The following SUGCT variants were observed in gnomAD, a reference collection of about 807,000 sequenced individuals.
SUGCT encodes the protein succinyl-CoA:glutarate CoA-transferase.
SUGCT carries 41 observed loss-of-function variants against 55.0 expected under a neutral mutation model. The observed-to-expected ratio is 0.74, with a 90% confidence interval of 0.58 to 0.97. SUGCT has a LOEUF of 0.97. SUGCT is among the 50% of genes least tolerant of loss of function. SUGCT has a pLI of 0.00. For synonymous variants in SUGCT, 187 were observed against 200.4 expected (o/e 0.93, Z 0.56); for missense variants, 568 against 547.8 (o/e 1.04, Z -0.37).
chr7:40,861,247 A>G (rs1397459102), downstream of SUGCT, among the ~76,000 whole-genome samples: 5 of 152,232 alleles, frequency 3.3e-5, no homozygotes, highest in Non-Finnish European at 2.9e-5. Context: ...CAGGGTTTTT[A>G]AATGAATTAA....
At chr7:40,594,249 G>A (rs144012787) in intron 12 of SUGCT, among the ~76,000 whole-genome samples, 3,833 of 150,048 alleles carry the variant, frequency 0.026, 127 homozygotes, top group African/African-American at 0.08. Context: ...TGGGTGCAGC[G>A]CACCAGCATG....
At chr7:40,658,383 T>C (rs1422925908) in intron 12 of SUGCT, among the ~76,000 whole-genome samples, 1 of 152,196 alleles carries the variant, frequency 6.6e-6, no homozygotes, top group Non-Finnish European at 1.5e-5. Context: ...AAGTTTCTGG[T>C]TATTTTAATA....
chr7:40,250,834 T>A (rs2329769), intron 7 of SUGCT, among the ~76,000 whole-genome samples: 1 of 114,682 alleles, frequency 8.7e-6, no homozygotes. Flanking sequence ...GCTTCTTTTT[T>A]TTTTTTTTTT....
At chr7:40,950,018 T>C in the SUGCT span, among the ~76,000 whole-genome samples, 2 of 152,242 alleles carry the variant, frequency 1.3e-5, no homozygotes, top group Non-Finnish European at 2.9e-5. Flanking sequence ...TTGATAGGGA[T>C]GTCATTGAAT....
intron 1 of SUGCT, among the ~76,000 whole-genome samples, chr7:40,170,547 T>C (rs986311384): frequency 2.6e-5 from 4 of 152,234 alleles, no homozygotes; most frequent in Non-Finnish European, 5.9e-5. Flanking sequence ...CTAGTCATTT[T>C]CCAATGAGCA....
intron 1 of SUGCT, among the ~76,000 whole-genome samples, chr7:40,143,080 C>G (rs115142244): frequency 0.043 from 6,593 of 152,174 alleles, 482 homozygotes; most frequent in African/African-American, 0.15. Flanking sequence ...AGAGGCTTCC[C>G]TTGCTTTATG....
rs146386809 is a variant in SUGCT at position 40,618,296 on chromosome 7, G to A, written c.1089+121910G>A. ...TATTTATGGCAAGTCCATCTTTCCC[G>A]TTGCTCAGGACACAAATCTTGAAAC... On this transcript the variant is annotated intron_variant, in intron 12 of 13. Transcript: ENST00000335693. Among the ~76,000 whole-genome samples the A allele has an allele frequency of 6.0e-4, 91 of 152,086 alleles. No homozygotes were observed. The East Asian group carries it at 0.017, about 28-fold the overall frequency.
At chr7:40,860,222 T>C (rs1228768774) in intron 13 of SUGCT, 94 bp from the exon 14 acceptor site, 2 of 1,450,758 alleles carry the variant, frequency 1.4e-6, no homozygotes, top group African/African-American at 1.4e-5. Flanking sequence ...ATTGATATTT[T>C]TGGCATTCAT....
the SUGCT span, among the ~76,000 whole-genome samples, chr7:40,989,115 A>T: frequency 1.3e-5 from 2 of 152,326 alleles, no homozygotes; most frequent in East Asian, 3.9e-4. Flanking sequence ...TTGCTAAAAA[A>T]AATACTCAAG....
At chr7:40,673,672 G>T (rs888340444) in intron 12 of SUGCT, among the ~76,000 whole-genome samples, 2 of 152,138 alleles carry the variant, frequency 1.3e-5, no homozygotes, top group African/African-American at 4.8e-5. Flanking sequence ...ACAAATGGAG[G>T]CTGTACAATT....
chr7:40,754,868 T>A (rs1788179421), intron 13 of SUGCT, among the ~76,000 whole-genome samples: 1 of 152,234 alleles, frequency 6.6e-6, no homozygotes, highest in Non-Finnish European at 1.5e-5. Context: ...GGATAAAATG[T>A]TTTCACGTTT....
chr7:40,554,184 C>T lies in SUGCT; in HGVS notation c.1089+57798C>T, dbSNP rs1795444686. Among the ~76,000 whole-genome samples the T allele has an allele frequency of 3.9e-5, 6 of 152,302 alleles. No homozygotes were observed. In the South Asian group the frequency reaches 1.2e-3, roughly 32 times the overall value. On this transcript the variant is annotated intron_variant, in intron 12 of 13. Coordinates refer to ENST00000335693, the MANE Select transcript of SUGCT (RefSeq NM_001193313.2). The stretch of plus-strand genomic sequence containing the variant: ...GGCATAGTGCCCGACACATTATGAG[C>T]ACTCAATAAATACTTGATATTAATG...
chr7:40,624,772 AACACACACACACAC>A (rs71791486), intron 12 of SUGCT, among the ~76,000 whole-genome samples: 32 of 137,396 alleles, frequency 2.3e-4, no homozygotes, highest in Non-Finnish European at 3.3e-4. Flanking sequence ...TTTCTGTGCA[AACACACACACACAC>A]ACACACACAC....
chr7:40,954,152 C>G, the SUGCT span, among the ~76,000 whole-genome samples: 1 of 152,202 alleles, frequency 6.6e-6, no homozygotes, highest in Non-Finnish European at 1.5e-5. Flanking sequence ...TCAGCAATGG[C>G]GGGTGCCCCT....
intron 12 of SUGCT, among the ~76,000 whole-genome samples, chr7:40,633,313 T>A (rs1799876533): frequency 6.6e-6 from 1 of 152,204 alleles, no homozygotes; most frequent in Non-Finnish European, 1.5e-5. Flanking sequence ...GTATTGAGGA[T>A]CAAAAGAACA....
At chr7:40,647,319 G>C (rs1800569238) in intron 12 of SUGCT, among the ~76,000 whole-genome samples, 1 of 152,160 alleles carries the variant, frequency 6.6e-6, no homozygotes, top group Admixed American at 6.5e-5. Flanking sequence ...GTTTGTCATT[G>C]AAGTCATCAT....
chr7:40,935,437 C>G, the SUGCT span, among the ~76,000 whole-genome samples: 1 of 152,144 alleles, frequency 6.6e-6, no homozygotes, highest in Non-Finnish European at 1.5e-5. Context: ...CCCTGGCAAC[C>G]ACTATTCTAA....
chr7:40,912,397 G>C, the SUGCT span, among the ~76,000 whole-genome samples: 1,967 of 152,184 alleles, frequency 0.013, 43 homozygotes, highest in African/African-American at 0.045. Flanking sequence ...TGAGTCCTTG[G>C]TCAGGAACAC....
intron 13 of SUGCT, among the ~76,000 whole-genome samples, chr7:40,852,184 C>T (rs1028256610): frequency 6.6e-6 from 1 of 152,226 alleles, no homozygotes; most frequent in Non-Finnish European, 1.5e-5. Context: ...TCAATCTTCC[C>T]TATCTGGTAA....
Sources: allele counts gnomAD v4.1 joint callset (sites outside exome capture counted in the v4.1 genomes callset), GRCh38; gene constraint gnomAD v4.1.1; transcripts MANE v1.5; gene names NCBI Gene and HGNC (gene_info 2026-07-23, HGNC 2026-07-21).